Variants in TRABD2B observed in about 807,000 individuals in gnomAD.
TRABD2B encodes the protein metalloprotease TIKI2.
Under a neutral mutation model 40.1 loss-of-function variants are expected in TRABD2B, and 14 were observed. The observed-to-expected ratio is 0.35, with a 90% CI of 0.23 to 0.55. TRABD2B has a LOEUF of 0.55. Ranked by LOEUF, TRABD2B falls within the 20% of genes least tolerant of loss-of-function variation. The pLI is 0.90. For missense variants in TRABD2B, 541 were observed against 648.6 expected, an observed-to-expected ratio of 0.83 and a Z score of 1.80; for synonymous variants, 263 against 277.0, an observed-to-expected ratio of 0.95 and a Z score of 0.50.
intron 3 of TRABD2B, among the ~76,000 whole-genome samples, chr1:47,797,005 T>C (rs1644757953): frequency 6.6e-6 from 1 of 152,188 alleles, no homozygotes; most frequent in Non-Finnish European, 1.5e-5. Context: ...AAATAAATAT[T>C]TGTCTAATCA....
At chr1:47,794,463 T>G in intron 4 of TRABD2B, 123 bp downstream of exon 4, 1 of 1,106,024 alleles carries the variant, frequency 9.0e-7, no homozygotes, top group Non-Finnish European at 1.2e-6. Context: ...TGCTAAGCAC[T>G]GTGTGGCTTT....
chr1:47,917,467 TC>T (rs1393342512), intron 2 of TRABD2B, among the ~76,000 whole-genome samples: 1 of 152,036 alleles, frequency 6.6e-6, no homozygotes, highest in Admixed American at 6.5e-5. Context: ...ACGCCTGTAA[TC>T]CCAACACTCT....
intron 4 of TRABD2B, among the ~76,000 whole-genome samples, chr1:47,779,312 CA>C (rs1268037568): frequency 6.6e-6 from 1 of 152,188 alleles, no homozygotes; most frequent in Non-Finnish European, 1.5e-5. Context: ...CTACAGGAGG[CA>C]GAAACATAGA....
chr1:47,895,255 A>AC (rs1046637195), intron 2 of TRABD2B, among the ~76,000 whole-genome samples: 20 of 151,564 alleles, frequency 1.3e-4, no homozygotes, highest in Admixed American at 5.9e-4. Flanking sequence ...CACTCGCCCC[A>AC]CCCCCCAGCC....
intron 2 of TRABD2B, among the ~76,000 whole-genome samples, chr1:47,884,171 G>A (rs1644341272): frequency 1.3e-5 from 2 of 152,208 alleles, no homozygotes; most frequent in Admixed American, 1.3e-4. Flanking sequence ...CCAGAGCCCT[G>A]TAGGGTGGCT....
At chr1:47,950,458 C>T (rs559944704) in intron 2 of TRABD2B, among the ~76,000 whole-genome samples, 1 of 151,984 alleles carries the variant, frequency 6.6e-6, no homozygotes, top group South Asian at 2.1e-4. Flanking sequence ...AGGCCCAAGA[C>T]AGAAATGAGT....
intron 2 of TRABD2B, among the ~76,000 whole-genome samples, chr1:47,870,203 T>C (rs949290900): frequency 6.6e-6 from 1 of 152,056 alleles, no homozygotes; most frequent in South Asian, 2.1e-4. Flanking sequence ...AGAGTGGAAG[T>C]AGAGATGGGG....
chr1:47,822,942 T>C (rs575812591), intron 2 of TRABD2B, among the ~76,000 whole-genome samples: 2 of 152,298 alleles, frequency 1.3e-5, no homozygotes, highest in South Asian at 2.1e-4. Context: ...AGCTCCTGGA[T>C]TATCTGAGTA....
chr1:47,927,909 G>A (rs941997092), intron 2 of TRABD2B, among the ~76,000 whole-genome samples: 1 of 152,204 alleles, frequency 6.6e-6, no homozygotes, highest in African/African-American at 2.4e-5. Context: ...TCTGGATGGG[G>A]GACCCTTGGA....
intron 2 of TRABD2B, among the ~76,000 whole-genome samples, chr1:47,912,489 C>G (rs1470326425): frequency 1.3e-5 from 2 of 152,130 alleles, no homozygotes; most frequent in Non-Finnish European, 2.9e-5. Context: ...TTGTTGGGAC[C>G]TTGGCCTTTC....
intron 2 of TRABD2B, among the ~76,000 whole-genome samples, chr1:47,940,410 G>A (rs1280524683): frequency 3.3e-5 from 5 of 152,214 alleles, no homozygotes; most frequent in Non-Finnish European, 5.9e-5. Flanking sequence ...GGTGTACTAT[G>A]GACAGGGACT....
chr1:47,939,244 T>C (rs1173869293), intron 2 of TRABD2B, among the ~76,000 whole-genome samples: 8 of 152,194 alleles, frequency 5.3e-5, no homozygotes, highest in African/African-American at 1.4e-4. Context: ...GTTTTGAAAG[T>C]TTTTGAGGTC....
intron 3 of TRABD2B, among the ~76,000 whole-genome samples, chr1:47,799,193 C>A (rs888309110): frequency 6.6e-6 from 1 of 152,240 alleles, no homozygotes; most frequent in Non-Finnish European, 1.5e-5. Flanking sequence ...GTCTGGCCAG[C>A]ACCCTGTCCT....
In TRABD2B at chr1:47,911,737, C is replaced by T. The variant is rs566339519; in HGVS notation, c.666+82297G>A. Among the ~76,000 whole-genome samples, 6 of 152,350 alleles carry T rather than the reference C, an allele frequency of 3.9e-5. 1 individual carries two copies. The South Asian group carries it at 1.2e-3, about 32-fold the overall frequency. On this transcript the variant is annotated intron_variant, in intron 2 of 6. Transcript: ENST00000606738. ...CTGTGTTGTCTCTATGCTTTCTATG[C>T]TGTCTGTCCACCAGGACGGGCTACA...
chr1:47,871,476 A>T (rs1259751493), intron 2 of TRABD2B, among the ~76,000 whole-genome samples: 2 of 152,204 alleles, frequency 1.3e-5, no homozygotes, highest in Non-Finnish European at 2.9e-5. Context: ...TACACACTGC[A>T]TGCCTACTGA....
chr1:47,988,359 C>T (rs990624979), intron 2 of TRABD2B, among the ~76,000 whole-genome samples: 1 of 152,162 alleles, frequency 6.6e-6, no homozygotes, highest in Non-Finnish European at 1.5e-5. Context: ...ATGGGGTGCA[C>T]ACTCAGGTAA....
At chr1:47,779,439 G>A (rs1644491053) in intron 4 of TRABD2B, among the ~76,000 whole-genome samples, 1 of 152,212 alleles carries the variant, frequency 6.6e-6, no homozygotes, top group African/African-American at 2.4e-5. Flanking sequence ...GGTCAGTTCT[G>A]CACTAGGAAC....
At chr1:47,956,108 C>T (rs549221595) in intron 2 of TRABD2B, among the ~76,000 whole-genome samples, 1 of 152,218 alleles carries the variant, frequency 6.6e-6, no homozygotes, top group East Asian at 1.9e-4. Context: ...TGCTCAGAAC[C>T]ACAACAAGGA....
At chr1:47,861,794 G>A (rs1348453142) in intron 2 of TRABD2B, among the ~76,000 whole-genome samples, 2 of 151,996 alleles carry the variant, frequency 1.3e-5, no homozygotes, top group Admixed American at 6.6e-5. Flanking sequence ...CCTCAAACCA[G>A]ACAAAGACAT....
Sources: gnomAD v4.1 joint callset for allele counts (sites outside exome capture counted in the v4.1 genomes callset) on GRCh38, gnomAD v4.1.1 for gene constraint, MANE v1.5 for transcripts, NCBI Gene and HGNC (gene_info 2026-07-23, HGNC 2026-07-21) for gene names.